The following DOP1A variants were observed in gnomAD, a reference collection of about 807,000 sequenced individuals.
DOP1A encodes protein DOP1A.
In DOP1A, 90 loss-of-function variants were observed where a neutral mutation model predicts 267.6. The ratio of observed to expected loss-of-function variants is 0.34; its 90% confidence interval spans 0.28 to 0.40. The LOEUF is 0.40. Among genes scored for constraint, DOP1A ranks in the 10% least tolerant of loss-of-function variants. The probability of loss-of-function intolerance (pLI) is 1.00; values close to 1 mark genes in which losing one functional copy is unlikely to be tolerated. For synonymous variants in DOP1A, 932 were observed against 999.1 expected (o/e 0.93, Z 1.27); for missense variants, 2,437 against 2,900.4 (o/e 0.84, Z 3.67).
At chr6:83,114,921 TCTCC>T (rs1775167324) in intron 7 of DOP1A, among the ~76,000 whole-genome samples, 2 of 152,160 alleles carry the variant, frequency 1.3e-5, no homozygotes, top group South Asian at 4.1e-4. Context: ...CTAATATAGT[TCTCC>T]CTATTACTGT....
At chr6:83,139,189 G>A in intron 21 of DOP1A, 27 bp downstream of exon 21, 1 of 1,543,148 alleles carries the variant, frequency 6.5e-7, no homozygotes, top group Non-Finnish European at 8.9e-7. Flanking sequence ...AACTTTATTG[G>A]TACTGACATT....
At chr6:83,083,898 A>G (rs998626252) in intron 1 of DOP1A, among the ~76,000 whole-genome samples, 3 of 152,210 alleles carry the variant, frequency 2.0e-5, no homozygotes, top group African/African-American at 4.8e-5. Context: ...TCATATTGCT[A>G]TGTGTACCAG....
At chr6:83,124,644 C>G (rs1776863380) in intron 12 of DOP1A, 61 bp from the exon 13 acceptor site, 2 of 1,169,318 alleles carry the variant, frequency 1.7e-6, no homozygotes, top group Admixed American at 1.9e-5. Context: ...GATGATGATG[C>G]TGTCACAGGT....
chr6:83,128,257 T>C (rs2128234240), intron 15 of DOP1A, among the ~76,000 whole-genome samples: 1 of 152,300 alleles, frequency 6.6e-6, no homozygotes, highest in East Asian at 1.9e-4. Flanking sequence ...CTCTATCCTA[T>C]TGTAGGGAGT....
At chr6:83,129,774 C>T (rs1377938971) in intron 16 of DOP1A, among the ~76,000 whole-genome samples, 1 of 151,978 alleles carries the variant, frequency 6.6e-6, no homozygotes, top group East Asian at 1.9e-4. Context: ...AGTAGATCTG[C>T]TGGTTTTCTT....
Position 83,130,985 on chromosome 6 carries a change from G to T in DOP1A, c.2616+588G>T, listed in dbSNP as rs552759460. Among the ~76,000 whole-genome samples the T allele has an allele frequency of 7.2e-5, 11 of 152,032 alleles. No individual in the cohort carries two copies. The South Asian group carries it at 2.3e-3, about 32-fold the overall frequency. ...AACTCCCGACCTCAGTAATCTGCCC[G>T]CCTCAGCCTCCCAAAGTGCTGAGAT... On this transcript the variant is annotated intron_variant, in intron 17 of 38. Coordinates refer to ENST00000349129, the MANE Select transcript of DOP1A (RefSeq NM_015018.4).
chr6:83,102,719 C>T (rs7773604), intron 4 of DOP1A, among the ~76,000 whole-genome samples: 99,454 of 151,954 alleles, frequency 0.65, 33,972 homozygotes, highest in Middle Eastern at 0.78. Context: ...ATAATGTTAC[C>T]GTCTTGCTAA....
chr6:83,167,025 T>C (rs995087550), intron 38 of DOP1A: 1 of 985,384 alleles, frequency 1.0e-6, no homozygotes, highest in East Asian at 1.1e-4. Context: ...GAATGATGTC[T>C]GTAGCTGTGT....
At chr6:83,086,402 G>A (rs1231261409) in intron 1 of DOP1A, among the ~76,000 whole-genome samples, 2 of 152,128 alleles carry the variant, frequency 1.3e-5, no homozygotes, top group Non-Finnish European at 2.9e-5. Flanking sequence ...ACTGTGAGTG[G>A]GCAGAGGAAG....
rs113532415 is a variant in DOP1A at position 83,118,814 on chromosome 6, G to T, written c.781-74G>T. The T allele has an allele frequency of 7.9e-5, 101 of 1,276,986 alleles. No homozygotes were observed. In the African/African-American group the frequency reaches 1.1e-3, roughly 14 times the overall value. The allele number at this position is 1,276,986 out of a possible 1,614,324, so 79.1% of individuals were successfully genotyped here. A position where few individuals can be genotyped will look rare whatever the true frequency, so the allele number is the denominator to read the frequency against. On this transcript the variant is annotated intron_variant, in intron 7 of 38. Coordinates refer to ENST00000349129, the MANE Select transcript of DOP1A (RefSeq NM_015018.4). ...CCCTAATATTCTAAGCATATTTCAGGGCATTTTTTAAAGAGGAAAAAAATA... is the reference window on the plus strand; with the variant it reads ...CCCTAATATTCTAAGCATATTTCAGTGCATTTTTTAAAGAGGAAAAAAATA...
chr6:83,096,823 A>C lies in DOP1A; in HGVS notation c.-54A>C, dbSNP rs1297612160. On this transcript the variant is annotated splice_region_variant and 5_prime_UTR_variant, in exon 2 of 39. Transcript: ENST00000349129. ...GAGGAGAGTTTCAACCACTGCTAAC[A>C]GTAAGGAACATTTTCAAGTTAGTCA... 1 of 808,072 alleles carries C rather than the reference A, an allele frequency of 1.2e-6. No individual in the cohort carries two copies. Among genetic ancestry groups the C allele is most frequent in the Non-Finnish European group, 1.9e-6 (1 of 525,302 alleles). The allele number at this position is 808,072 out of a possible 1,614,324, so 50.1% of individuals were successfully genotyped here. A position where few individuals can be genotyped will look rare whatever the true frequency, so the allele number is the denominator to read the frequency against.
chr6:83,146,950 T>C (rs1482010934), intron 25 of DOP1A, among the ~76,000 whole-genome samples: 1 of 152,178 alleles, frequency 6.6e-6, no homozygotes, highest in African/African-American at 2.4e-5. Flanking sequence ...AGTACATGAA[T>C]CATTTAAAAG....
intron 1 of DOP1A, among the ~76,000 whole-genome samples, chr6:83,094,379 G>A (rs1771060034): frequency 6.6e-6 from 1 of 152,270 alleles, no homozygotes; most frequent in East Asian, 1.9e-4. Context: ...AAGTTTTTGA[G>A]TGTACATATA....
chr6:83,154,613 G>T (rs2128353941), intron 33 of DOP1A, among the ~76,000 whole-genome samples: 1 of 152,296 alleles, frequency 6.6e-6, no homozygotes, highest in East Asian at 1.9e-4. Flanking sequence ...GACAGATGGT[G>T]AAGTGCAAAA....
At chr6:83,093,767 A>T (rs1229798709) in intron 1 of DOP1A, among the ~76,000 whole-genome samples, 1 of 152,070 alleles carries the variant, frequency 6.6e-6, no homozygotes, top group Admixed American at 6.6e-5. Flanking sequence ...TTAGCCAGGC[A>T]TGGTGCCAGG....
chr6:83,145,058 G>A (rs1780286496), intron 24 of DOP1A, among the ~76,000 whole-genome samples: 1 of 137,600 alleles, frequency 7.3e-6, no homozygotes, highest in Non-Finnish European at 1.5e-5. Flanking sequence ...AACTGTAATT[G>A]AGCCACTGCA....
At chr6:83,169,982 TAAAAG>T (rs1786750640), downstream of DOP1A, 9 of 391,788 alleles carry the variant, frequency 2.3e-5, no homozygotes, top group East Asian at 5.6e-4. Context: ...AGTATATTTT[TAAAAG>T]AAGAGAAAAG....
Position 83,138,008 on chromosome 6 carries a change from T to C in DOP1A, c.3966T>C (p.Ser1322=), listed in dbSNP as rs1246864105. 2 of 1,608,184 alleles carry C rather than the reference T, an allele frequency of 1.2e-6. No homozygotes were observed. Among genetic ancestry groups the C allele is most frequent in the Non-Finnish European group, 1.7e-6 (2 of 1,178,122 alleles). The change falls in exon 21 of 39, where the codon AGT becomes AGC. Residue 1322 remains serine, a synonymous_variant. Transcript: ENST00000349129. ...CAAATGAAAAACTCAAACAAACCAG[T>C]GTATTCTTCAGTGATGGTCTGGATT... The part of the protein sequence containing the change: ...KSSNEKLKQT[S]VFFSDGLDLE...
At chr6:83,150,613 CTT>C (rs1344485776) in intron 27 of DOP1A, among the ~76,000 whole-genome samples, 1 of 152,044 alleles carries the variant, frequency 6.6e-6, no homozygotes, top group Non-Finnish European at 1.5e-5. Context: ...GAAGGTTGCT[CTT>C]TAGTTTCATT....
Sources: allele counts gnomAD v4.1 joint callset (sites outside exome capture counted in the v4.1 genomes callset), GRCh38; gene constraint gnomAD v4.1.1; transcripts MANE v1.5; gene names NCBI Gene and HGNC (gene_info 2026-07-23, HGNC 2026-07-21).